The following MBD2 variants were observed in gnomAD, a reference collection of about 807,000 sequenced individuals.
MBD2 encodes the protein methyl-CpG binding domain protein 2.
MBD2 carries 9 observed loss-of-function variants against 39.3 expected under a neutral mutation model. The ratio of observed to expected loss-of-function variants is 0.23; its 90% CI spans 0.14 to 0.40. MBD2 has a LOEUF of 0.40. Ranked by LOEUF, MBD2 falls within the 10% of genes least tolerant of loss-of-function variation. The probability of loss-of-function intolerance (pLI) is 1.00; values close to 1 mark genes in which losing one functional copy is unlikely to be tolerated. For synonymous variants in MBD2, 233 were observed against 211.1 expected (o/e 1.10, Z -0.90); for missense variants, 458 against 532.6 (o/e 0.86, Z 1.38).
intron 2 of MBD2, among the ~76,000 whole-genome samples, chr18:54,201,314 C>G (rs2086405879): frequency 6.6e-6 from 1 of 152,128 alleles, no homozygotes. Flanking sequence ...GGAATATCTT[C>G]AGTAACCTTC....
At chr18:54,207,853 C>A (rs1410460657) in intron 1 of MBD2, among the ~76,000 whole-genome samples, 2 of 151,776 alleles carry the variant, frequency 1.3e-5, no homozygotes, top group Non-Finnish European at 2.9e-5. Context: ...CTGGCTAACA[C>A]GGTGAAACCC....
rs993742814 is a variant in MBD2 at position 54,153,348 on chromosome 18, A to G, written c.*1976T>C. The G allele has an allele frequency of 3.3e-5, 5 of 152,056 alleles. No homozygotes were observed. The highest frequency in any genetic ancestry group is 1.2e-4 in the African/African-American group (5 of 41,372). 9.4% of individuals were successfully genotyped at this position (152,056 alleles called of 1,614,324 possible). On this transcript the variant is annotated 3_prime_UTR_variant, in exon 7 of 7. Coordinates refer to ENST00000256429, the MANE Select transcript of MBD2 (RefSeq NM_003927.5). The stretch of plus-strand genomic sequence containing the variant: ...GGGACCAGGTGATGAAGTTTTGAAC[A>G]TGTTGTCTTGTGGGTATATTGGGAA...
chr18:54,211,307 A>G (rs1419690092), intron 1 of MBD2, among the ~76,000 whole-genome samples: 7 of 152,104 alleles, frequency 4.6e-5, no homozygotes, highest in African/African-American at 9.7e-5. Context: ...GACTAAAAAC[A>G]TGAAATTAGA....
In MBD2 at chr18:54,160,009, A is replaced by C. The variant is rs913814890; in HGVS notation, c.1110-106T>G. The C allele has an allele frequency of 1.7e-5, 21 of 1,269,958 alleles. No homozygotes were observed. In the South Asian group the frequency reaches 2.9e-4, roughly 18 times the overall value. The allele number at this position is 1,269,958 out of a possible 1,614,324, so 78.7% of individuals were successfully genotyped here. On this transcript the variant is annotated intron_variant, in intron 5 of 6. Coordinates refer to ENST00000256429, the MANE Select transcript of MBD2 (RefSeq NM_003927.5). ...CTTCAAAATAATTAAATTCCTAAGAAGAATAGACTTCCTTTTCAGATTTTT... is the reference window on the plus strand; with the variant it reads ...CTTCAAAATAATTAAATTCCTAAGACGAATAGACTTCCTTTTCAGATTTTT...
intron 4 of MBD2, among the ~76,000 whole-genome samples, chr18:54,164,995 T>A (rs1415132964): frequency 2.0e-5 from 3 of 152,236 alleles, no homozygotes; most frequent in Non-Finnish European, 4.4e-5. Context: ...ACCAGAACTT[T>A]AAAATGCATT....
At chr18:54,202,802 A>G in intron 2 of MBD2, 1 of 1,545,712 alleles carries the variant, frequency 6.5e-7, no homozygotes, top group Non-Finnish European at 8.7e-7. Context: ...GTGCAAAAGC[A>G]AAAAAAGACA....
rs994100591 is a variant in MBD2 at position 54,155,187 on chromosome 18, G to C, written c.*137C>G. On this transcript the variant is annotated 3_prime_UTR_variant, in exon 7 of 7. Transcript: ENST00000256429. ...TCAAAAATACATCTAAAAAGGCATT[G>C]GTTAGTGCTATTAAAAAGCTCTATG... is the stretch of plus-strand genomic sequence containing the variant. The C allele has an allele frequency of 5.3e-5, 8 of 152,198 alleles. No individual in the cohort carries two copies. The highest frequency in any genetic ancestry group is 1.7e-4 in the African/African-American group (7 of 41,328). The allele number at this position is 152,198 out of a possible 1,614,324, so 9.4% of individuals were successfully genotyped here.
At chr18:54,201,564 TA>T (rs1432053647) in intron 2 of MBD2, among the ~76,000 whole-genome samples, 1 of 152,106 alleles carries the variant, frequency 6.6e-6, no homozygotes, top group Non-Finnish European at 1.5e-5. Context: ...GCAGAGTTCT[TA>T]AAAAGATATC....
intron 5 of MBD2, among the ~76,000 whole-genome samples, chr18:54,160,455 C>T (rs893061807): frequency 4.0e-5 from 6 of 151,366 alleles, no homozygotes; most frequent in African/African-American, 9.7e-5. Flanking sequence ...TCCTGCACAC[C>T]GAGGACAGAC....
chr18:54,223,974 C>A, intron 1 of MBD2, 44 bp downstream of exon 1: 1 of 1,473,460 alleles, frequency 6.8e-7, no homozygotes, highest in South Asian at 1.2e-5. Flanking sequence ...GACCCCTGAC[C>A]CCGGCCTGAC....
chr18:54,172,998 A>AT (rs1346266970), intron 3 of MBD2, among the ~76,000 whole-genome samples: 1 of 152,222 alleles, frequency 6.6e-6, no homozygotes. Flanking sequence ...TGATCATACA[A>AT]TAGCACTTAA....
intron 3 of MBD2, among the ~76,000 whole-genome samples, chr18:54,173,206 C>A (rs1732209801): frequency 1.3e-5 from 2 of 152,164 alleles, no homozygotes; most frequent in Admixed American, 1.3e-4. Context: ...CCAGGCCAGA[C>A]TGCCTCTCAC....
At chr18:54,211,100 T>C (rs994967557) in intron 1 of MBD2, among the ~76,000 whole-genome samples, 1 of 151,620 alleles carries the variant, frequency 6.6e-6, no homozygotes, top group African/African-American at 2.4e-5. Flanking sequence ...CTCGATCTCC[T>C]GACCTCGTGA....
intron 1 of MBD2, among the ~76,000 whole-genome samples, chr18:54,221,360 A>G (rs2086610321): frequency 2.0e-5 from 3 of 151,832 alleles, no homozygotes; most frequent in Non-Finnish European, 4.4e-5. Flanking sequence ...CGGGAGGCTG[A>G]GGCAGGAGAA....
At chr18:54,177,827 C>CTTTTTTTT (rs34113185) in intron 3 of MBD2, among the ~76,000 whole-genome samples, 5 of 87,198 alleles carry the variant, frequency 5.7e-5, no homozygotes, top group East Asian at 3.6e-4. Flanking sequence ...TTTTTCCTCT[C>CTTTTTTTT]TTTTTTTTTT....
intron 2 of MBD2, among the ~76,000 whole-genome samples, chr18:54,198,288 G>GC (rs2086381064): frequency 1.3e-5 from 2 of 152,216 alleles, no homozygotes; most frequent in Non-Finnish European, 2.9e-5. Context: ...CCTAATCTGA[G>GC]CTGCAGCAAG....
intron 2 of MBD2, 114 bp downstream of exon 2, chr18:54,204,884 G>A: frequency 1.1e-6 from 1 of 935,314 alleles, no homozygotes; most frequent in Non-Finnish European, 1.7e-6. Flanking sequence ...CAGGGTATGG[G>A]GACATGCACG....
rs560824984 is a variant in MBD2 at position 54,172,101 on chromosome 18, A to G, written c.841-5935T>C. Reference sequence around the variant, plus strand: ...TCCATTTAACTCCTAAGTAATAGATACTGTATAAGTCTCAATTGTAGGTGA... The same window carrying G: ...TCCATTTAACTCCTAAGTAATAGATGCTGTATAAGTCTCAATTGTAGGTGA... On this transcript the variant is annotated intron_variant, in intron 3 of 6. Transcript: ENST00000256429. 2.0e-4 allele frequency among the ~76,000 whole-genome samples: 30 copies of G among 152,372 alleles called. 1 individual carries two copies. The South Asian group carries it at 6.0e-3, about 30-fold the overall frequency.
chr18:54,180,348 T>C (rs2086242075), intron 3 of MBD2, among the ~76,000 whole-genome samples: 1 of 152,120 alleles, frequency 6.6e-6, no homozygotes, highest in Admixed American at 6.6e-5. Context: ...TATAATTATA[T>C]TAGAAAACCT....
Sources: allele counts gnomAD v4.1 joint callset (sites outside exome capture counted in the v4.1 genomes callset), GRCh38; gene constraint gnomAD v4.1.1; transcripts MANE v1.5; gene names NCBI Gene and HGNC (gene_info 2026-07-23, HGNC 2026-07-21).